ODAD4: variants seen among roughly 807,000 people sequenced by gnomAD.
ODAD4 encodes the protein outer dynein arm docking complex subunit 4.
In ODAD4, 49 loss-of-function variants were observed where a neutral mutation model predicts 51.8. The ratio of observed to expected loss-of-function variants is 0.95; its 90% CI spans 0.75 to 1.20. The LOEUF (loss-of-function observed/expected upper bound fraction) is 1.20. ODAD4 is among the 50% of genes most tolerant of loss of function. ODAD4 has a pLI of 0.00. For missense variants in ODAD4, 590 were observed against 586.5 expected, an observed-to-expected ratio of 1.01 and a Z score of -0.06; for synonymous variants, 235 against 221.3, an observed-to-expected ratio of 1.06 and a Z score of -0.55.
chr17:41,936,458 CTTCT>C lies in ODAD4; in HGVS notation c.398-11_398-8del. The C allele has an allele frequency of 6.2e-7, 1 of 1,609,264 alleles. No homozygotes were observed. The highest frequency in any genetic ancestry group is 8.5e-7 in the Non-Finnish European group (1 of 1,176,508). On this transcript the variant is annotated splice_polypyrimidine_tract_variant and intron_variant, in intron 3 of 11. Coordinates refer to ENST00000377540, the MANE Select transcript of ODAD4 (RefSeq NM_031421.5). ...GGGGTCTGGCCGACCTGAGCTCCAG[CTTCT>C]TTCCTTGCAGGTCCTTCTTCCATTA...
At chr17:41,956,484 C>A (rs2050734702) in intron 10 of ODAD4, among the ~76,000 whole-genome samples, 1 of 53,042 alleles carries the variant, frequency 1.9e-5, no homozygotes, top group Admixed American at 3.1e-4. Context: ...CCATGCCCGG[C>A]CTTTTTTTTT....
intron 9 of ODAD4, among the ~76,000 whole-genome samples, chr17:41,951,883 CAAAAAAAAAA>C (rs55769009): frequency 4.2e-4 from 15 of 35,544 alleles, no homozygotes; most frequent in South Asian, 1.1e-3. Context: ...GACTCTGTCG[CAAAAAAAAAA>C]AAAAAAAAAA....
intron 10 of ODAD4, 76 bp downstream of exon 10, chr17:41,955,393 C>T: frequency 1.4e-6 from 1 of 693,260 alleles, no homozygotes; most frequent in Non-Finnish European, 2.6e-6. Context: ...CCCCCTCAGC[C>T]TGCTTGGGCG....
Position 41,938,724 on chromosome 17 carries a change from C to G in ODAD4, c.793C>G (p.Arg265Gly). Reference protein sequence around the residue: ...MQEKWLRDHKRRPSQTAHYIL... With the variant: ...MQEKWLRDHKGRPSQTAHYIL... ...AGAGAAATGGCTGCGGGACCACAAA[C>G]GCCGTCCCTCACAGACAGCCCATTA... Residue 265 changes from arginine to glycine, a missense_variant, in exon 6 of 12, where the codon CGC (arginine) becomes GGC (glycine). Around this residue, in one of 3 missense-constraint regions of ODAD4, gnomAD observed 360 missense variants for 407.5 expected, o/e 0.88. Coordinates refer to ENST00000377540, the MANE Select transcript of ODAD4 (RefSeq NM_031421.5). The G allele has an allele frequency of 6.2e-7, 1 of 1,613,808 alleles. No individual in the cohort carries two copies. Among genetic ancestry groups the G allele is most frequent in the Non-Finnish European group, 8.5e-7 (1 of 1,179,896 alleles).
At chr17:41,938,348 A>G (rs772885633) in intron 5 of ODAD4, among the ~76,000 whole-genome samples, 1 of 152,170 alleles carries the variant, frequency 6.6e-6, no homozygotes, top group African/African-American at 2.4e-5. Context: ...GGCCCATAGC[A>G]TGGAACTCCC....
At position 41,965,353 on chromosome 17, in the gene ODAD4, A is replaced by T. The variant is rs373037467; in HGVS notation, c.1889A>T (p.Gln630Leu). 10 of 780,668 alleles carry T rather than the reference A, an allele frequency of 1.3e-5. No individual in the cohort carries two copies. The highest frequency in any genetic ancestry group is 2.2e-5 in the Non-Finnish European group (9 of 417,986). The allele number at this position is 780,668 out of a possible 1,614,324, so 48.4% of individuals were successfully genotyped here. ...AGACTCTCAGGAGAATTCAGCAGAC[A>T]GGAACCAGAAGAACTAAAGAAACTT... ...EQRLSGEFSR[Q>L]EPEELKKLSE... The change falls in exon 12 of 12, where the codon CAG (glutamine) becomes CTG (leucine). Residue 630 changes from glutamine (Q) to leucine (L), a missense_variant. By Grantham distance (113) the Gln-to-Leu change is moderately radical. Transcript: ENST00000377540.
At chr17:41,932,723 CTTCT>C (rs1425520808) in intron 1 of ODAD4, among the ~76,000 whole-genome samples, 1 of 104,672 alleles carries the variant, frequency 9.6e-6, no homozygotes, top group Non-Finnish European at 1.9e-5. Flanking sequence ...TTTTTCTTTT[CTTCT>C]TTTTTTTTTT....
At chr17:41,956,782 T>A (rs536878002) in intron 10 of ODAD4, among the ~76,000 whole-genome samples, 8 of 149,574 alleles carry the variant, frequency 5.3e-5, no homozygotes, top group African/African-American at 2.0e-4. Flanking sequence ...GGAGTCTCAG[T>A]ATGTTGGCCA....
At chr17:41,960,787 C>T (rs939919430) in intron 10 of ODAD4, among the ~76,000 whole-genome samples, 5 of 152,166 alleles carry the variant, frequency 3.3e-5, no homozygotes, top group Admixed American at 6.5e-5. Context: ...ATCCAGGCCC[C>T]GGAGCTGCTC....
chr17:41,938,216 A>T (rs1728390116), intron 5 of ODAD4, among the ~76,000 whole-genome samples: 1 of 152,198 alleles, frequency 6.6e-6, no homozygotes, highest in African/African-American at 2.4e-5. Flanking sequence ...CCTGGGCCAG[A>T]TCGTGCATTT....
At chr17:41,954,049 G>T (rs955073964) in intron 9 of ODAD4, among the ~76,000 whole-genome samples, 1 of 151,012 alleles carries the variant, frequency 6.6e-6, no homozygotes. Flanking sequence ...GCAGTGGCGC[G>T]ATCTCGGCTC....
Position 41,945,368 on chromosome 17 carries a change from C to T in ODAD4, c.1145+146C>T, listed in dbSNP as rs911255286. The T allele has an allele frequency of 4.4e-4, 282 of 637,744 alleles. 1 individual carries two copies. Among genetic ancestry groups the T allele is most frequent in the African/African-American group, 2.0e-4 (11 of 54,100 alleles). 39.5% of individuals were successfully genotyped at this position (637,744 alleles called of 1,614,324 possible). ...CAAAAAAAAAAAAAAAAAAATTAGC[C>T]GCGCATACTGTCCTGTGCCTGTGGT... is the stretch of plus-strand genomic sequence containing the variant. On this transcript the variant is annotated intron_variant, in intron 8 of 11. Transcript: ENST00000377540.
At chr17:41,937,965 T>C (rs2050450564) in intron 5 of ODAD4, among the ~76,000 whole-genome samples, 1 of 152,226 alleles carries the variant, frequency 6.6e-6, no homozygotes, top group Admixed American at 6.5e-5. Flanking sequence ...CCCTGTTCTG[T>C]GACACAGGAA....
chr17:41,954,594 G>A (rs900702218), intron 9 of ODAD4, among the ~76,000 whole-genome samples: 4 of 151,958 alleles, frequency 2.6e-5, no homozygotes, highest in Admixed American at 6.6e-5. Context: ...GCTCACACCT[G>A]TAATCCCAGC....
At chr17:41,958,805 A>G (rs971112050) in intron 10 of ODAD4, among the ~76,000 whole-genome samples, 2 of 151,802 alleles carry the variant, frequency 1.3e-5, no homozygotes, top group Non-Finnish European at 2.9e-5. Flanking sequence ...CGGGTGGATC[A>G]CGAGGTCAGG....
At chr17:41,939,693 G>C (rs969670371) in intron 7 of ODAD4, among the ~76,000 whole-genome samples, 1 of 152,160 alleles carries the variant, frequency 6.6e-6, no homozygotes, top group Admixed American at 6.5e-5. Context: ...GAGACAGGAG[G>C]GTACTTAAGC....
chr17:41,966,257 T>G lies in ODAD4; in HGVS notation c.*774T>G, dbSNP rs568124645. On this transcript the variant is annotated 3_prime_UTR_variant, in exon 12 of 12. Transcript: ENST00000377540. The stretch of plus-strand genomic sequence containing the variant: ...CGTTACTCATCTGTCCCTTTGGCCA[T>G]TGCCATCCTGGTCTGTCTCCACAGC... Among the ~76,000 whole-genome samples, 1 of 152,152 alleles carries G rather than the reference T, an allele frequency of 6.6e-6. No individual in the cohort carries two copies.
intron 10 of ODAD4, among the ~76,000 whole-genome samples, chr17:41,956,203 C>T (rs1427405141): frequency 6.6e-6 from 1 of 151,884 alleles, no homozygotes; most frequent in African/African-American, 2.4e-5. Flanking sequence ...GCCCCCCCAC[C>T]ACGCCCAGCT....
At chr17:41,937,403 A>G (rs1405845191) in intron 5 of ODAD4, among the ~76,000 whole-genome samples, 2 of 152,172 alleles carry the variant, frequency 1.3e-5, no homozygotes, top group South Asian at 2.1e-4. Flanking sequence ...TTGGGAAGGA[A>G]CTTTCATAAG....
Sources: allele counts gnomAD v4.1 joint callset (sites outside exome capture counted in the v4.1 genomes callset), GRCh38; gene constraint gnomAD v4.1.1; regional missense constraint gnomAD v4.1.1; transcripts MANE v1.5; gene names NCBI Gene and HGNC (gene_info 2026-07-23, HGNC 2026-07-21).